Variants in HGS observed in about 807,000 individuals in gnomAD.
The protein encoded by HGS is human growth factor-regulated tyrosine kinase substrate.
A neutral mutation model predicts 109.7 loss-of-function variants in HGS; 63 were observed. The ratio of observed to expected loss-of-function variants is 0.57; its 90% confidence interval spans 0.47 to 0.71. The LOEUF is 0.71. Ranked by LOEUF, HGS falls within the 30% of genes least tolerant of loss-of-function variation. The probability of loss-of-function intolerance (pLI) is 0.00; values close to 1 mark genes in which losing one functional copy is unlikely to be tolerated. For synonymous variants in HGS, 546 were observed against 437.3 expected (o/e 1.25, Z -3.10); for missense variants, 995 against 1,068.3 (o/e 0.93, Z 0.96).
intron 2 of HGS, 181 bp from the exon 3 acceptor site, chr17:81,686,131 G>GT: frequency 1.7e-6 from 1 of 590,274 alleles, no homozygotes; most frequent in Admixed American, 3.0e-5. Context: ...GGTTTTTGCC[G>GT]TAATGCACAG....
intron 1 of HGS, 112 bp downstream of exon 1, chr17:81,684,215 C>T: frequency 1.0e-6 from 1 of 1,001,114 alleles, no homozygotes; most frequent in Non-Finnish European, 1.3e-6. Context: ...GCCCTGCCCG[C>T]CTCTCCCCGG....
In HGS at chr17:81,684,108, C is replaced by T; in HGVS notation, c.37+5C>T. On this transcript the variant is annotated splice_donor_5th_base_variant and intron_variant, in intron 1 of 21. Coordinates refer to ENST00000329138, the MANE Select transcript of HGS (RefSeq NM_004712.5). ...GCACCTTCGAGCGTCTCCTAGGTAA[C>T]GCGTCCCCACCCGACGGCTCGGCCT... is the stretch of plus-strand genomic sequence containing the variant. 3 of 1,581,334 alleles carry T rather than the reference C, an allele frequency of 1.9e-6. No individual in the cohort carries two copies. The highest frequency in any genetic ancestry group is 1.7e-6 in the Non-Finnish European group (2 of 1,166,042).
At chr17:81,700,672 C>G in intron 19 of HGS, 23 bp from the exon 20 acceptor site, 1 of 1,600,322 alleles carries the variant, frequency 6.2e-7, no homozygotes, top group Non-Finnish European at 8.5e-7. Context: ...CCCCTTCTCC[C>G]ATGGCACTCA....
At chr17:81,701,432 T>G in intron 21 of HGS, 76 bp from the exon 22 acceptor site, 1 of 1,441,278 alleles carries the variant, frequency 6.9e-7, no homozygotes, top group Non-Finnish European at 9.3e-7. Context: ...GGTCTGTGGC[T>G]CTGCTGGGAC....
rs368735042 is a variant in HGS at position 81,691,407 on chromosome 17, C to T, written c.538-40C>T. 8.9e-5 allele frequency: 144 copies of T among 1,611,682 alleles called. 1 individual carries two copies. The South Asian group carries it at 1.1e-3, about 12-fold the overall frequency. ...TGGGCCGGGTGGCGCATCAGGGTCC[C>T]CCAGTGCCTGTGACCAGGCCCGCCC... On this transcript the variant is annotated intron_variant, in intron 7 of 21. Transcript: ENST00000329138. The surrounding 1 kb of genome is among the most constrained non-coding windows in gnomAD (Gnocchi z 5.3).
At position 81,697,050 on chromosome 17, in the gene HGS, T is replaced by C. The variant is rs754440051; in HGVS notation, c.1882+52T>C. The C allele has an allele frequency of 2.7e-6, 4 of 1,483,064 alleles. No homozygotes were observed. In the African/African-American group the frequency reaches 4.2e-5, roughly 16 times the overall value. The allele number at this position is 1,483,064 out of a possible 1,614,324, so 91.9% of individuals were successfully genotyped here. The stretch of plus-strand genomic sequence containing the variant: ...TGCCTTTTATCCCTCGTCTTTATTT[T>C]AGCCGAATTTACAGAAAAGCAGTAA... On this transcript the variant is annotated intron_variant, in intron 18 of 21. Coordinates refer to ENST00000329138, the MANE Select transcript of HGS (RefSeq NM_004712.5).
intron 8 of HGS, 152 bp from the exon 9 acceptor site, chr17:81,693,351 G>A (rs1284061570): frequency 9.1e-6 from 6 of 657,488 alleles, no homozygotes; most frequent in Non-Finnish European, 1.4e-5. Context: ...CTCTGCTCTG[G>A]AGTGTGGCCA....
rs368708215 is a variant in HGS, at chr17:81,693,864, C to T, written c.841-6C>T. ...CCAAGTGACGCCCCTTCTGATTCTG[C>T]CTCAGAGACAGAAGTCCACGTACAC... On this transcript the variant is annotated splice_polypyrimidine_tract_variant and splice_region_variant and intron_variant, in intron 10 of 21. Transcript: ENST00000329138. The T allele has an allele frequency of 2.1e-5, 33 of 1,603,222 alleles. No homozygotes were observed. Among genetic ancestry groups the T allele is most frequent in the South Asian group, 1.8e-4 (16 of 90,566 alleles).
At chr17:81,685,903 C>T (rs527635728) in intron 2 of HGS, among the ~76,000 whole-genome samples, 2 of 152,200 alleles carry the variant, frequency 1.3e-5, no homozygotes, top group East Asian at 1.9e-4. Flanking sequence ...TTTGTATTTG[C>T]TTCGGGGTTC....
chr17:81,690,525 C>G, intron 6 of HGS, 149 bp from the exon 7 acceptor site: 2 of 720,244 alleles, frequency 2.8e-6, no homozygotes. Context: ...CCCCAGGCCA[C>G]GCCGCTGGGA....
rs1036690075 is a variant in HGS at position 81,700,870 on chromosome 17, C to T, written c.2136+56C>T. On this transcript the variant is annotated intron_variant, in intron 20 of 21. Transcript: ENST00000329138. Reference sequence around the variant, plus strand: ...CAGGGTGGGGGAGCAGTTGATGATGCTGAGGGTCCTTTGGTGAGGCTGGCA... The same window carrying T: ...CAGGGTGGGGGAGCAGTTGATGATGTTGAGGGTCCTTTGGTGAGGCTGGCA... 5 of 1,586,182 alleles carry T rather than the reference C, an allele frequency of 3.2e-6. No homozygotes were observed. In the Admixed American group the frequency reaches 5.1e-5, roughly 16 times the overall value.
At chr17:81,697,553 C>T (rs55842573) in intron 18 of HGS, 6,442 of 152,476 alleles carry the variant, frequency 0.042, 256 homozygotes, top group East Asian at 0.21. Context: ...AGTCCCATTG[C>T]TGGCCGTTCG....
intron 1 of HGS, 188 bp downstream of exon 1, chr17:81,684,291 CCGT>C (rs2036934403): frequency 2.2e-6 from 1 of 447,836 alleles, no homozygotes; most frequent in African/African-American, 2.1e-5. Context: ...GGGTCGGCGT[CCGT>C]CGGGCGTTGG....
In HGS at chr17:81,693,563, C is replaced by T. The variant is rs1448066540; in HGVS notation, c.723C>T (p.Pro241=). 8.1e-6 allele frequency: 13 copies of T among 1,612,016 alleles called. No individual in the cohort carries two copies. The Admixed American group carries it at 2.0e-4, about 25-fold the overall frequency. Residue 241 remains proline, a synonymous_variant, in exon 9 of 22, where the codon CCC becomes CCT. Coordinates refer to ENST00000329138, the MANE Select transcript of HGS (RefSeq NM_004712.5). ...TGCCCCCCGAGTACCTGACCAGCCC[C>T]CTGTCTCAGCAGTCCCAGGTACTCA... ...TELPPEYLTS[P]LSQQSQLPPK... is the part of the protein sequence containing the mutation.
chr17:81,686,985 CTTCCT>C lies in HGS; in HGVS notation c.199-17_199-13del, dbSNP rs1316141799. 10 of 1,607,634 alleles carry C rather than the reference CTTCCT, an allele frequency of 6.2e-6. No homozygotes were observed. Among genetic ancestry groups the C allele is most frequent in the Non-Finnish European group, 7.7e-6 (9 of 1,176,152 alleles). ...CCCTGACCACTGGCCCAACCCTTCCCTTCCTGGGCATCTGCAGGTCATGGAATCTG... is the reference window on the plus strand; with the variant it reads ...CCCTGACCACTGGCCCAACCCTTCCCGGGCATCTGCAGGTCATGGAATCTG... On this transcript the variant is annotated splice_polypyrimidine_tract_variant and intron_variant, in intron 3 of 21. Coordinates refer to ENST00000329138, the MANE Select transcript of HGS (RefSeq NM_004712.5).
chr17:81,684,383 G>T, intron 1 of HGS: 1 of 336,736 alleles, frequency 3.0e-6, no homozygotes, highest in Non-Finnish European at 5.4e-6. Context: ...CCGGGCATTC[G>T]GCCGATTTCC....
intron 4 of HGS, among the ~76,000 whole-genome samples, chr17:81,688,468 G>A (rs1333550230): frequency 1.3e-5 from 2 of 152,194 alleles, no homozygotes; most frequent in Non-Finnish European, 2.9e-5. Context: ...AGATGGTCAG[G>A]GGCACAGAGA....
In HGS at chr17:81,700,582, T is replaced by C. The variant is rs138665031; in HGVS notation, c.1998T>C (p.Thr666=). Residue 666 remains threonine, a synonymous_variant, in exon 19 of 22, where the codon ACT becomes ACC. Transcript: ENST00000329138. ...CCGCTTACTCATCCTACCAGCCTAC[T>C]CCCACAGCGGGCTACCAGGTACACA... ...ASPAYSSYQP[T]PTAGYQNVAS... is the part of the protein sequence containing the mutation. 2 of 1,607,692 alleles carry C rather than the reference T, an allele frequency of 1.2e-6. No individual in the cohort carries two copies. Among genetic ancestry groups the C allele is most frequent in the South Asian group, 2.2e-5 (2 of 90,396 alleles).
rs767226130 is a variant in HGS, at chr17:81,696,941, A to C, written c.1825A>C (p.Met609Leu). 4.4e-6 allele frequency: 7 copies of C among 1,605,508 alleles called. No individual in the cohort carries two copies. Among genetic ancestry groups the C allele is most frequent in the South Asian group, 1.1e-5 (1 of 91,012 alleles). Residue 609 changes from methionine (M) to leucine (L), a missense_variant, in exon 18 of 22, where the codon ATG becomes CTG. Met to Leu is a conservative substitution (Grantham distance 15). Transcript: ENST00000329138. ...VEGSPMHGVY[M>L]SQPAPAAGPY... ...GGGCTCCCCAATGCACGGCGTGTAC[A>C]TGAGCCAGCCGGCCCCTGCCGCTGG...
Sources: allele counts gnomAD v4.1 joint callset (sites outside exome capture counted in the v4.1 genomes callset), GRCh38; gene constraint gnomAD v4.1.1; non-coding constraint Gnocchi (gnomAD v3.1); transcripts MANE v1.5; gene names NCBI Gene and HGNC (gene_info 2026-07-23, HGNC 2026-07-21).